The following CAMK1D variants were observed in gnomAD, a reference collection of about 807,000 sequenced individuals.
CAMK1D encodes the protein calcium/calmodulin dependent protein kinase ID, also known as calcium/calmodulin-dependent protein kinase type 1D.
In CAMK1D, 9 loss-of-function variants were observed where a neutral mutation model predicts 47.7. The ratio of observed to expected loss-of-function variants is 0.19; its 90% CI spans 0.11 to 0.33. The LOEUF (loss-of-function observed/expected upper bound fraction) is 0.33, where lower values mean the gene tolerates loss of function less well. Ranked by LOEUF, CAMK1D falls within the 10% of genes least tolerant of loss-of-function variation. The pLI is 1.00. For missense variants in CAMK1D, 291 were observed against 488.7 expected (o/e 0.60, Z 3.81); for synonymous variants, 184 against 184.9 (o/e 0.99, Z 0.04).
chr10:12,678,486 A>G (rs1424867319), intron 3 of CAMK1D, among the ~76,000 whole-genome samples: 1 of 152,212 alleles, frequency 6.6e-6, no homozygotes, highest in East Asian at 1.9e-4. Flanking sequence ...TGCTCTGCAT[A>G]TATCTGTTAG....
intron 1 of CAMK1D, among the ~76,000 whole-genome samples, chr10:12,406,408 TG>T (rs1347563343): frequency 4.6e-5 from 7 of 152,124 alleles, no homozygotes; most frequent in African/African-American, 9.7e-5. Context: ...TTATTGTTAT[TG>T]TTTTTTTAAT....
chr10:12,596,704 C>T (rs979501927), intron 2 of CAMK1D, among the ~76,000 whole-genome samples: 2 of 151,954 alleles, frequency 1.3e-5, no homozygotes, highest in Admixed American at 6.6e-5. Context: ...ATTTGGATGC[C>T]GAAATCCCAT....
intron 2 of CAMK1D, among the ~76,000 whole-genome samples, chr10:12,654,753 A>G (rs1411368113): frequency 6.6e-6 from 1 of 152,208 alleles, no homozygotes; most frequent in Non-Finnish European, 1.5e-5. Context: ...AAATGTATTC[A>G]GCCTAGATAA....
At chr10:12,570,093 C>T (rs890101318) in intron 2 of CAMK1D, among the ~76,000 whole-genome samples, 6 of 150,976 alleles carry the variant, frequency 4.0e-5, no homozygotes, top group South Asian at 4.2e-4. Context: ...CCAGCTACTC[C>T]GGAGGCTGAG....
chr10:12,666,786 A>T lies in CAMK1D; in HGVS notation c.275A>T (p.Asn92Ile). The change falls in exon 3 of 11, where the codon AAT becomes ATT. Residue 92 changes from asparagine to isoleucine, a missense_variant. Asn to Ile is a moderately radical substitution (Grantham distance 149). This residue lies in a region of CAMK1D where 219 missense variants were observed against 424.3 expected (regional missense o/e 0.52). Coordinates refer to ENST00000619168, the MANE Select transcript of CAMK1D (RefSeq NM_153498.4). ...CTGGAAGACATTTATGAAAGCCCAAATCACCTGTACTTGGTCATGCAGCTG... is the reference window on the plus strand; with the variant it reads ...CTGGAAGACATTTATGAAAGCCCAATTCACCTGTACTTGGTCATGCAGCTG... Reference protein sequence around the residue: ...VALEDIYESPNHLYLVMQLVS... With the variant: ...VALEDIYESPIHLYLVMQLVS... 6.2e-7 allele frequency: 1 copy of T among 1,613,992 alleles called. No homozygotes were observed. Among genetic ancestry groups the T allele is most frequent in the Non-Finnish European group, 8.5e-7 (1 of 1,179,874 alleles).
At chr10:12,574,188 G>A (rs1837417881) in intron 2 of CAMK1D, among the ~76,000 whole-genome samples, 1 of 152,056 alleles carries the variant, frequency 6.6e-6, no homozygotes, top group Non-Finnish European at 1.5e-5. Context: ...GAAACACTGG[G>A]CCCTGTTGAC....
At chr10:12,515,430 C>CTTTTTTTTTTTTTTTTTTTTTTTTTTT (rs55728182) in intron 1 of CAMK1D, among the ~76,000 whole-genome samples, 1 of 92,262 alleles carries the variant, frequency 1.1e-5, no homozygotes, top group Non-Finnish European at 2.1e-5. Flanking sequence ...TTTTTTTTTT[C>CTTTTTTTTTTTTTTTTTTTTTTTTTTT]ATTATACTTT....
At chr10:12,669,602 G>C (rs1388968078) in intron 3 of CAMK1D, among the ~76,000 whole-genome samples, 3 of 152,090 alleles carry the variant, frequency 2.0e-5, no homozygotes, top group Non-Finnish European at 4.4e-5. Flanking sequence ...GAACGTGAGA[G>C]AATCATACCC....
intron 2 of CAMK1D, among the ~76,000 whole-genome samples, chr10:12,646,559 C>T (rs1224003041): frequency 6.6e-6 from 1 of 152,078 alleles, no homozygotes; most frequent in South Asian, 2.1e-4. Flanking sequence ...AGAAAATGAC[C>T]GAACTTCCTT....
At chr10:12,363,534 A>G (rs534016274) in intron 1 of CAMK1D, among the ~76,000 whole-genome samples, 1 of 152,256 alleles carries the variant, frequency 6.6e-6, no homozygotes, top group South Asian at 2.1e-4. Flanking sequence ...ACTTTAAATC[A>G]TCTCTAGATT....
chr10:12,784,113 G>A lies in CAMK1D; in HGVS notation c.566-7045G>A, dbSNP rs369568943. On this transcript the variant is annotated intron_variant, in intron 5 of 10. Transcript: ENST00000619168. ...AGCACCCAAGATCTGACCAGGAGGA[G>A]GTTCTGAGAGATCGTGTAACAAAGT... 7.0e-4 allele frequency among the ~76,000 whole-genome samples: 106 copies of A among 152,244 alleles called. 2 individuals carry two copies. Among genetic ancestry groups the A allele is most frequent in the African/African-American group, 2.5e-3 (103 of 41,544 alleles).
At chr10:12,391,836 G>A (rs1019743725) in intron 1 of CAMK1D, among the ~76,000 whole-genome samples, 1 of 152,100 alleles carries the variant, frequency 6.6e-6, no homozygotes, top group African/African-American at 2.4e-5. Flanking sequence ...ACAATCTGGG[G>A]TATCTATACT....
At chr10:12,571,143 A>C (rs1056040218) in intron 2 of CAMK1D, among the ~76,000 whole-genome samples, 1 of 151,984 alleles carries the variant, frequency 6.6e-6, no homozygotes, top group African/African-American at 2.4e-5. Flanking sequence ...ATCTCCTGGG[A>C]GTGGATTAGA....
chr10:12,613,508 G>A (rs915903043), intron 2 of CAMK1D, among the ~76,000 whole-genome samples: 1 of 152,214 alleles, frequency 6.6e-6, no homozygotes, highest in African/African-American at 2.4e-5. Context: ...CCATACAGTG[G>A]TTGAGAGTCG....
chr10:12,409,253 A>AC (rs1839568272), intron 1 of CAMK1D, among the ~76,000 whole-genome samples: 1 of 152,002 alleles, frequency 6.6e-6, no homozygotes, highest in South Asian at 2.1e-4. Flanking sequence ...AGGCACCGAG[A>AC]CCCCTCATGG....
At chr10:12,404,270 C>T (rs1237432632) in intron 1 of CAMK1D, among the ~76,000 whole-genome samples, 1 of 152,160 alleles carries the variant, frequency 6.6e-6, no homozygotes, top group Admixed American at 6.5e-5. Flanking sequence ...GTCTCGAACT[C>T]CTGACTTCAG....
intron 1 of CAMK1D, among the ~76,000 whole-genome samples, chr10:12,403,992 A>G (rs1443642820): frequency 6.6e-6 from 1 of 151,240 alleles, no homozygotes; most frequent in Non-Finnish European, 1.5e-5. Context: ...GGAAAAAAAA[A>G]AAAGAAAAAA....
intron 8 of CAMK1D, among the ~76,000 whole-genome samples, chr10:12,821,537 G>C (rs1452248516): frequency 6.6e-6 from 1 of 152,208 alleles, no homozygotes; most frequent in Non-Finnish European, 1.5e-5. Flanking sequence ...TCAGAGCCAG[G>C]AAGGTAGAAG....
At chr10:12,431,954 G>C (rs1488855438) in intron 1 of CAMK1D, among the ~76,000 whole-genome samples, 3 of 152,244 alleles carry the variant, frequency 2.0e-5, no homozygotes, top group African/African-American at 7.2e-5. Context: ...GGAGAGACCT[G>C]TCATCCCTGG....
Sources: allele counts gnomAD v4.1 joint callset (sites outside exome capture counted in the v4.1 genomes callset), GRCh38; gene constraint gnomAD v4.1.1; regional missense constraint gnomAD v4.1.1; transcripts MANE v1.5; gene names NCBI Gene and HGNC (gene_info 2026-07-23, HGNC 2026-07-21).